RAD51B: variants seen among roughly 807,000 people sequenced by gnomAD.
RAD51B encodes DNA repair protein RAD51 homolog 2.
Under a neutral mutation model 42.2 loss-of-function variants are expected in RAD51B, and 38 were observed. The ratio of observed to expected loss-of-function variants is 0.90; its 90% confidence interval spans 0.70 to 1.18. The LOEUF is 1.18. Among genes scored for constraint, RAD51B ranks in the 50% most tolerant of loss-of-function variants. RAD51B has a pLI of 0.00. For missense variants in RAD51B, 373 were observed against 400.7 expected (o/e 0.93, Z 0.59); for synonymous variants, 154 against 145.2 (o/e 1.06, Z -0.43).
In RAD51B at chr14:68,504,062, G is replaced by A. The variant is rs143788050; in HGVS notation, c.1036+35812G>A. Reference sequence around the variant, plus strand: ...CATCTTCATCCCTACGGCCCCTTCTGAAGTCGGTAGATGCACGTTAATAGT... The same window carrying A: ...CATCTTCATCCCTACGGCCCCTTCTAAAGTCGGTAGATGCACGTTAATAGT... On this transcript the variant is annotated intron_variant, in intron 10 of 10. Transcript: ENST00000487270. Among the ~76,000 whole-genome samples the A allele has an allele frequency of 1.5e-4, 23 of 152,244 alleles. No individual in the cohort carries two copies. The East Asian group carries it at 3.9e-3, about 26-fold the overall frequency.
intron 7 of RAD51B, among the ~76,000 whole-genome samples, chr14:67,896,735 T>TG (rs2043433328): frequency 6.6e-6 from 1 of 152,226 alleles, no homozygotes; most frequent in South Asian, 2.1e-4. Context: ...TTTTTTTGGT[T>TG]GATATTTTTA....
downstream of RAD51B, among the ~76,000 whole-genome samples, chr14:68,482,249 T>C (rs1883252845): frequency 6.6e-6 from 1 of 151,994 alleles, no homozygotes; most frequent in Admixed American, 6.6e-5. Context: ...CTGCTAGCCT[T>C]CTGGCCATTC....
intron 7 of RAD51B, among the ~76,000 whole-genome samples, chr14:68,287,962 C>G (rs1236762483): frequency 2.0e-5 from 3 of 152,088 alleles, no homozygotes; most frequent in Non-Finnish European, 2.9e-5. Context: ...TGGTAGAGCC[C>G]AGGATCTAAG....
chr14:68,459,670 A>G (rs1382993228), intron 9 of RAD51B, among the ~76,000 whole-genome samples: 1 of 152,268 alleles, frequency 6.6e-6, no homozygotes, highest in Non-Finnish European at 1.5e-5. Flanking sequence ...CTAGCAGGAC[A>G]GGAAATTGTG....
At chr14:67,838,417 TTTTA>T (rs1360763372) in intron 4 of RAD51B, among the ~76,000 whole-genome samples, 1 of 152,032 alleles carries the variant, frequency 6.6e-6, no homozygotes, top group Admixed American at 6.6e-5. Context: ...TCTGTATTGT[TTTTA>T]TTTATTTTTA....
chr14:68,453,452 A>G (rs915814179), intron 9 of RAD51B, among the ~76,000 whole-genome samples: 1 of 152,204 alleles, frequency 6.6e-6, no homozygotes, highest in Non-Finnish European at 1.5e-5. Context: ...GACAGAAGAG[A>G]CAAAAACAGC....
chr14:68,653,028 C>T (rs1892733883), intron 11 of RAD51B, among the ~76,000 whole-genome samples: 1 of 152,226 alleles, frequency 6.6e-6, no homozygotes, highest in Non-Finnish European at 1.5e-5. Context: ...GAAAGCAAAG[C>T]ATTTGATTCA....
intron 7 of RAD51B, among the ~76,000 whole-genome samples, chr14:68,010,492 A>C (rs2075666544): frequency 6.6e-6 from 1 of 151,796 alleles, no homozygotes. Context: ...TTATTTATTC[A>C]GACCCAATTT....
chr14:68,342,748 G>C (rs12432997), intron 8 of RAD51B, among the ~76,000 whole-genome samples: 1 of 152,190 alleles, frequency 6.6e-6, no homozygotes, highest in Non-Finnish European at 1.5e-5. Flanking sequence ...AGATCATTTG[G>C]TAACTGTTGG....
chr14:68,321,532 G>C (rs2082157193), intron 8 of RAD51B, among the ~76,000 whole-genome samples: 1 of 152,164 alleles, frequency 6.6e-6, no homozygotes, highest in Admixed American at 6.5e-5. Context: ...TCTGCTCTTA[G>C]CATTTTGTTG....
chr14:68,299,959 G>C (rs2081692322), intron 8 of RAD51B, among the ~76,000 whole-genome samples: 2 of 152,262 alleles, frequency 1.3e-5, no homozygotes, highest in African/African-American at 4.8e-5. Flanking sequence ...TTGTGTTCAT[G>C]GGTTGCCTTT....
chr14:68,234,539 C>T (rs1483438212), intron 7 of RAD51B, among the ~76,000 whole-genome samples: 1 of 152,150 alleles, frequency 6.6e-6, no homozygotes. Context: ...GCCTGTTATT[C>T]CTGGGCAGCA....
intron 7 of RAD51B, among the ~76,000 whole-genome samples, chr14:68,026,704 T>C (rs538431616): frequency 1.3e-5 from 2 of 152,282 alleles, no homozygotes; most frequent in South Asian, 4.1e-4. Context: ...GCTAGATCTT[T>C]CTTTATCTCT....
chr14:68,273,849 G>A (rs1028953787), intron 7 of RAD51B, among the ~76,000 whole-genome samples: 1 of 151,988 alleles, frequency 6.6e-6, no homozygotes, highest in Non-Finnish European at 1.5e-5. Context: ...TCCATGCCAG[G>A]CTATACTTTA....
intron 7 of RAD51B, among the ~76,000 whole-genome samples, chr14:68,144,708 AACCTC>A (rs1433475596): frequency 1.3e-5 from 2 of 152,222 alleles, no homozygotes; most frequent in Non-Finnish European, 2.9e-5. Flanking sequence ...TAAACAAAAA[AACCTC>A]AAAGCATATC....
At chr14:68,046,259 G>A (rs764109152) in intron 7 of RAD51B, among the ~76,000 whole-genome samples, 1 of 152,154 alleles carries the variant, frequency 6.6e-6, no homozygotes, top group Non-Finnish European at 1.5e-5. Context: ...AAGTAGCTGG[G>A]ACTACATGCA....
At chr14:67,872,690 A>G (rs1273107964) in intron 5 of RAD51B, among the ~76,000 whole-genome samples, 1 of 151,896 alleles carries the variant, frequency 6.6e-6, no homozygotes, top group Non-Finnish European at 1.5e-5. Flanking sequence ...TTCAAACTAT[A>G]CTACAAGGCT....
intron 7 of RAD51B, among the ~76,000 whole-genome samples, chr14:67,892,250 T>C (rs1268608044): frequency 6.6e-6 from 1 of 152,208 alleles, no homozygotes; most frequent in African/African-American, 2.4e-5. Flanking sequence ...CAGTCTAGAC[T>C]AAACCTTTAT....
intron 8 of RAD51B, among the ~76,000 whole-genome samples, chr14:68,332,588 G>A (rs1190173589): frequency 6.6e-6 from 1 of 152,074 alleles, no homozygotes; most frequent in Non-Finnish European, 1.5e-5. Context: ...AAATTCTCTT[G>A]GGGAAGGAGC....
Sources: allele counts gnomAD v4.1 joint callset (sites outside exome capture counted in the v4.1 genomes callset), GRCh38; gene constraint gnomAD v4.1.1; transcripts MANE v1.5; gene names NCBI Gene and HGNC (gene_info 2026-07-23, HGNC 2026-07-21).